GLIS3: variants seen among roughly 807,000 people sequenced by gnomAD.
The protein encoded by GLIS3 is zinc finger protein GLIS3.
Under a neutral mutation model 78.6 loss-of-function variants are expected in GLIS3, and 53 were observed. The ratio of observed to expected loss-of-function variants is 0.67; its 90% CI spans 0.54 to 0.85. GLIS3 has a LOEUF of 0.85. Ranked by LOEUF, GLIS3 falls within the 40% of genes least tolerant of loss-of-function variation. The pLI is 0.00. For missense variants in GLIS3, 1,703 were observed against 1,231.1 expected (o/e 1.38, Z -5.74); for synonymous variants, 684 against 509.9 (o/e 1.34, Z -4.60).
chr9:4,425,107 G>GAA, the GLIS3 span, among the ~76,000 whole-genome samples: 1 of 152,072 alleles, frequency 6.6e-6, no homozygotes, highest in Non-Finnish European at 1.5e-5. Flanking sequence ...AAGTTTAGAA[G>GAA]AAAAACAAGC....
chr9:3,991,748 T>C (rs1246749599), intron 4 of GLIS3, among the ~76,000 whole-genome samples: 3 of 137,136 alleles, frequency 2.2e-5, no homozygotes, highest in African/African-American at 8.1e-5. Context: ...TGGAGTGCAG[T>C]GGTGGGATCT....
intron 4 of GLIS3, among the ~76,000 whole-genome samples, chr9:3,949,003 G>C (rs1306907904): frequency 1.3e-5 from 2 of 152,128 alleles, no homozygotes; most frequent in Non-Finnish European, 2.9e-5. Context: ...TAAGTGACTT[G>C]CCAAAGTCAC....
At chr9:4,261,332 G>A (rs1825506103) in intron 2 of GLIS3, among the ~76,000 whole-genome samples, 1 of 152,068 alleles carries the variant, frequency 6.6e-6, no homozygotes, top group South Asian at 2.1e-4. Flanking sequence ...CTGCCATAAT[G>A]GAAGCAAAGA....
At chr9:3,903,957 G>A (rs1823492943) in intron 6 of GLIS3, among the ~76,000 whole-genome samples, 1 of 152,098 alleles carries the variant, frequency 6.6e-6, no homozygotes, top group Non-Finnish European at 1.5e-5. Context: ...GAGAGAGAAG[G>A]AAGAAATGAG....
chr9:4,037,231 C>T (rs568175538), intron 4 of GLIS3, among the ~76,000 whole-genome samples: 1 of 152,262 alleles, frequency 6.6e-6, no homozygotes, highest in East Asian at 1.9e-4. Flanking sequence ...TTGAGAGAGG[C>T]ATCGTAGCAC....
intron 2 of GLIS3, among the ~76,000 whole-genome samples, chr9:4,168,199 A>G (rs561134340): frequency 7.3e-5 from 11 of 151,544 alleles, no homozygotes; most frequent in African/African-American, 1.7e-4. Flanking sequence ...ACACAGACGC[A>G]CACACACACA....
chr9:4,453,491 AC>A, the GLIS3 span, among the ~76,000 whole-genome samples: 1 of 152,194 alleles, frequency 6.6e-6, no homozygotes, highest in Admixed American at 6.5e-5. Context: ...CAAGAAAAAA[AC>A]AACCCCATCA....
the GLIS3 span, among the ~76,000 whole-genome samples, chr9:4,366,842 C>G: frequency 1.3e-5 from 2 of 152,206 alleles, no homozygotes; most frequent in Admixed American, 1.3e-4. Flanking sequence ...GTTGAGCCAA[C>G]TGCCAATGCC....
At chr9:3,959,022 T>C (rs142628858) in intron 4 of GLIS3, among the ~76,000 whole-genome samples, 7 of 152,360 alleles carry the variant, frequency 4.6e-5, no homozygotes, top group Admixed American at 2.6e-4. Flanking sequence ...TGCTTTGTTT[T>C]CAGTAGGCAC....
the GLIS3 span, among the ~76,000 whole-genome samples, chr9:4,368,452 C>T: frequency 2.5e-3 from 374 of 151,922 alleles, 2 homozygotes; most frequent in African/African-American, 8.4e-3. Flanking sequence ...TCACGCCCTT[C>T]TCTTGCCTCA....
intron 4 of GLIS3, among the ~76,000 whole-genome samples, chr9:4,065,713 G>C (rs1401124947): frequency 6.6e-6 from 1 of 152,096 alleles, no homozygotes; most frequent in Admixed American, 6.6e-5. Context: ...GACAAGCATA[G>C]AATTTTCCAA....
At chr9:4,191,419 G>T (rs1223444343) in intron 2 of GLIS3, among the ~76,000 whole-genome samples, 1 of 152,116 alleles carries the variant, frequency 6.6e-6, no homozygotes, top group African/African-American at 2.4e-5. Context: ...ATAAAATCTG[G>T]ACATAAATAC....
chr9:4,167,123 C>G (rs1161100549), intron 2 of GLIS3, among the ~76,000 whole-genome samples: 1 of 152,190 alleles, frequency 6.6e-6, no homozygotes, highest in Admixed American at 6.5e-5. Flanking sequence ...ATCCCAAACC[C>G]TCATTGTACC....
At chr9:4,037,441 G>C (rs367713597) in intron 4 of GLIS3, among the ~76,000 whole-genome samples, 10 of 152,102 alleles carry the variant, frequency 6.6e-5, no homozygotes, top group African/African-American at 2.4e-4. Flanking sequence ...GCAAGGATTG[G>C]CATATAATAA....
At chr9:4,286,716 A>G (rs1687515044) in intron 1 of GLIS3, among the ~76,000 whole-genome samples, 193 bp from the exon 2 acceptor site, 1 of 152,230 alleles carries the variant, frequency 6.6e-6, no homozygotes, top group African/African-American at 2.4e-5. Context: ...CATGGTGGAC[A>G]TGGATTATGG....
intron 2 of GLIS3, among the ~76,000 whole-genome samples, chr9:4,171,533 T>C (rs933239612): frequency 3.3e-5 from 5 of 152,276 alleles, no homozygotes; most frequent in African/African-American, 7.2e-5. Context: ...ACTTCAAAAT[T>C]TGGAATAAGG....
At chr9:4,165,418 G>A (rs1358553971) in intron 2 of GLIS3, among the ~76,000 whole-genome samples, 1 of 152,204 alleles carries the variant, frequency 6.6e-6, no homozygotes, top group Non-Finnish European at 1.5e-5. Context: ...TCCAGCCTAG[G>A]CAACAGGAGC....
At chr9:4,041,687 C>T (rs183177891) in intron 4 of GLIS3, among the ~76,000 whole-genome samples, 1 of 152,260 alleles carries the variant, frequency 6.6e-6, no homozygotes, top group Non-Finnish European at 1.5e-5. Context: ...TGGAATCTAA[C>T]GTCACAAAGT....
intron 2 of GLIS3, among the ~76,000 whole-genome samples, chr9:4,323,060 G>C (rs888012355): frequency 1.3e-5 from 2 of 152,188 alleles, no homozygotes; most frequent in African/African-American, 4.8e-5. Flanking sequence ...TAACATTTAA[G>C]TCTTTAACGG....
Sources: gnomAD v4.1 joint callset for allele counts (sites outside exome capture counted in the v4.1 genomes callset) on GRCh38, gnomAD v4.1.1 for gene constraint, MANE v1.5 for transcripts, NCBI Gene and HGNC (gene_info 2026-07-23, HGNC 2026-07-21) for gene names.